The following KIFAP3 variants were observed in gnomAD, a reference collection of about 807,000 sequenced individuals.
KIFAP3 encodes kinesin-associated protein 3.
A neutral mutation model predicts 106.5 loss-of-function variants in KIFAP3; 68 were observed. The observed-to-expected ratio is 0.64, with a 90% CI of 0.53 to 0.78. The LOEUF is 0.78. KIFAP3 is among the 30% of genes least tolerant of loss of function. KIFAP3 has a pLI of 0.00. For missense variants in KIFAP3, 780 were observed against 941.8 expected, an observed-to-expected ratio of 0.83 and a Z score of 2.25; for synonymous variants, 320 against 311.5, an observed-to-expected ratio of 1.03 and a Z score of -0.29.
intron 6 of KIFAP3, 42 bp downstream of exon 6, chr1:170,035,412 A>C: frequency 3.7e-4 from 442 of 1,210,034 alleles, no homozygotes; most frequent in Middle Eastern, 6.3e-4. Context: ...AAAGAGCAAT[A>C]GAGATACAGT....
intron 16 of KIFAP3, among the ~76,000 whole-genome samples, chr1:169,975,743 T>C (rs896031028): frequency 6.6e-6 from 1 of 152,140 alleles, no homozygotes; most frequent in East Asian, 1.9e-4. Context: ...GCCTCCCAGG[T>C]AGCTGAGACT....
chr1:169,925,892 G>A (rs767835129), intron 19 of KIFAP3, among the ~76,000 whole-genome samples: 4 of 152,162 alleles, frequency 2.6e-5, no homozygotes, highest in East Asian at 1.9e-4. Context: ...TTATTAAAAC[G>A]AGATAAAAGC....
At chr1:169,965,565 G>A (rs186681093) in intron 17 of KIFAP3, among the ~76,000 whole-genome samples, 125 of 151,976 alleles carry the variant, frequency 8.2e-4, no homozygotes, top group African/African-American at 2.8e-3. Flanking sequence ...AGGAAGTAAT[G>A]CTTTGCAAAA....
intron 19 of KIFAP3, among the ~76,000 whole-genome samples, chr1:169,941,058 CGAA>C (rs1343127922): frequency 1.3e-5 from 2 of 151,826 alleles, no homozygotes; most frequent in Non-Finnish European, 2.9e-5. Context: ...TGCAAAGAAA[CGAA>C]GAAGCAAACT....
At chr1:170,024,176 AAT>A (rs763100355) in intron 9 of KIFAP3, 2 of 287,002 alleles carry the variant, frequency 7.0e-6, no homozygotes, top group African/African-American at 2.2e-5. Flanking sequence ...TATTATGTTT[AAT>A]ATGGCAAGAT....
intron 19 of KIFAP3, among the ~76,000 whole-genome samples, chr1:169,952,431 T>C (rs1664774273): frequency 1.3e-5 from 2 of 150,724 alleles, no homozygotes; most frequent in African/African-American, 4.9e-5. Context: ...CACATATATA[T>C]AGGTAGATAA....
intron 9 of KIFAP3, among the ~76,000 whole-genome samples, chr1:170,021,738 C>G (rs1331481392): frequency 6.6e-6 from 1 of 151,714 alleles, no homozygotes; most frequent in African/African-American, 2.4e-5. Flanking sequence ...CCACACCCAG[C>G]CCGTTATTAA....
intron 10 of KIFAP3, among the ~76,000 whole-genome samples, chr1:169,992,488 T>C (rs546277074): frequency 2.0e-5 from 3 of 152,166 alleles, no homozygotes; most frequent in Non-Finnish European, 2.9e-5. Context: ...GGTATAGTTT[T>C]GAAAAAGAAA....
intron 1 of KIFAP3, among the ~76,000 whole-genome samples, chr1:170,071,017 C>T (rs1038452778): frequency 6.6e-6 from 1 of 152,004 alleles, no homozygotes; most frequent in East Asian, 1.9e-4. Flanking sequence ...TAGGGAAAGG[C>T]AAATCAATAC....
At chr1:170,030,402 T>C (rs1017045809) in intron 8 of KIFAP3, among the ~76,000 whole-genome samples, 1 of 151,820 alleles carries the variant, frequency 6.6e-6, no homozygotes, top group Admixed American at 6.6e-5. Flanking sequence ...ACAACTATTA[T>C]AGAAAAACAT....
chr1:169,932,061 C>G (rs1341644003), intron 19 of KIFAP3, among the ~76,000 whole-genome samples: 2 of 152,118 alleles, frequency 1.3e-5, no homozygotes, highest in African/African-American at 4.8e-5. Flanking sequence ...GGTCTGCCAG[C>G]CCTGTCAGAG....
At chr1:170,082,713 C>T (rs1404697401) in intron 1 of KIFAP3, among the ~76,000 whole-genome samples, 1 of 152,062 alleles carries the variant, frequency 6.6e-6, no homozygotes, top group African/African-American at 2.4e-5. Context: ...TGGTTTATAC[C>T]TGTAATCCCA....
intron 8 of KIFAP3, among the ~76,000 whole-genome samples, chr1:170,028,927 C>G (rs189285030): frequency 4.0e-5 from 6 of 151,660 alleles, no homozygotes; most frequent in Admixed American, 3.9e-4. Flanking sequence ...AGAAGGCAGA[C>G]AAGAAGGAAA....
intron 18 of KIFAP3, among the ~76,000 whole-genome samples, chr1:169,956,767 C>T (rs769951986): frequency 1.6e-4 from 24 of 151,934 alleles, no homozygotes; most frequent in Non-Finnish European, 3.2e-4. Context: ...CCACATCTGG[C>T]TAATTTTTAA....
chr1:169,976,540 T>C (rs1204613103), intron 16 of KIFAP3, among the ~76,000 whole-genome samples: 1 of 152,218 alleles, frequency 6.6e-6, no homozygotes, highest in South Asian at 2.1e-4. Context: ...ATTTGGAGTT[T>C]ATCTTTCTGG....
At chr1:170,053,575 G>C (rs1351787071) in intron 2 of KIFAP3, among the ~76,000 whole-genome samples, 1 of 151,670 alleles carries the variant, frequency 6.6e-6, no homozygotes, top group Non-Finnish European at 1.5e-5. Flanking sequence ...AAAGCATCAT[G>C]CTACCTGACT....
chr1:169,921,845 G>A (rs991073037), intron 19 of KIFAP3, 64 bp from the exon 20 acceptor site: 21 of 1,182,930 alleles, frequency 1.8e-5, no homozygotes, highest in Non-Finnish European at 2.4e-5. Context: ...TGCAGATTAA[G>A]AGGCCTACAT....
chr1:170,009,703 A>C (rs780585225), intron 10 of KIFAP3, among the ~76,000 whole-genome samples: 1 of 152,134 alleles, frequency 6.6e-6, no homozygotes, highest in Non-Finnish European at 1.5e-5. Context: ...ATCAGTACAT[A>C]TTCTAGGGTA....
chr1:170,029,488 G>T (rs1669285555), intron 8 of KIFAP3, among the ~76,000 whole-genome samples: 1 of 151,862 alleles, frequency 6.6e-6, no homozygotes, highest in Non-Finnish European at 1.5e-5. Context: ...GAAAATCTGT[G>T]GGATGCCATC....
Sources: gnomAD v4.1 joint callset for allele counts (sites outside exome capture counted in the v4.1 genomes callset) on GRCh38, gnomAD v4.1.1 for gene constraint, MANE v1.5 for transcripts, NCBI Gene and HGNC (gene_info 2026-07-23, HGNC 2026-07-21) for gene names.